KIAA1755: variants seen among roughly 807,000 people sequenced by gnomAD.
KIAA1755 encodes the protein uncharacterized protein KIAA1755.
A neutral mutation model predicts 91.7 loss-of-function variants in KIAA1755; 68 were observed. That is an observed-to-expected ratio of 0.74 (90% confidence interval 0.61 to 0.91). The LOEUF (loss-of-function observed/expected upper bound fraction) is 0.91. Among genes scored for constraint, KIAA1755 ranks in the 40% least tolerant of loss-of-function variants. The pLI is 0.00. For missense variants in KIAA1755, 1,535 were observed against 1,494.4 expected, an observed-to-expected ratio of 1.03 and a Z score of -0.45; for synonymous variants, 610 against 604.6, an observed-to-expected ratio of 1.01 and a Z score of -0.13.
In KIAA1755 at chr20:38,217,359, G is replaced by A; in HGVS notation, c.2795C>T (p.Ser932Phe). The change falls in exon 13 of 14, where the codon TCT becomes TTT. Residue 932 changes from serine (S) to phenylalanine (F), a missense_variant. Ser to Phe is a radical substitution (Grantham distance 155, BLOSUM62 -2). Transcript: ENST00000279024. The part of the protein sequence containing the change: ...AEFPELAAFA[S>F]TQRAFQAELT... ...CTCAGCCTGGAAGGCCCGCTGGGTA[G>A]AGGCAAAGGCTGCCAGCTCTGGGAA... 6.2e-7 allele frequency: 1 copy of A among 1,613,338 alleles called. No individual in the cohort carries two copies. The highest frequency in any genetic ancestry group is 8.5e-7 in the Non-Finnish European group (1 of 1,179,730).
intron 3 of KIAA1755, 147 bp from the exon 4 acceptor site, chr20:38,239,872 C>T: frequency 1.3e-6 from 1 of 764,780 alleles, no homozygotes; most frequent in Non-Finnish European, 2.1e-6. Flanking sequence ...AAGCCCCTTA[C>T]TTCTAGTGTT....
Position 38,213,295 on chromosome 20 carries a change from T to C in KIAA1755, c.3350A>G (p.Gln1117Arg). 1 of 1,613,810 alleles carries C rather than the reference T, an allele frequency of 6.2e-7. No individual in the cohort carries two copies. The highest frequency in any genetic ancestry group is 8.5e-7 in the Non-Finnish European group (1 of 1,179,910). Residue 1117 changes from glutamine to arginine, a missense_variant, in exon 14 of 14, where the codon CAG becomes CGG. Gln to Arg is a conservative substitution (Grantham distance 43). Coordinates refer to ENST00000279024, the MANE Select transcript of KIAA1755 (RefSeq NM_001029864.2). ...AGAGCCTGCCTGGAAAGTTCTGTTCTGTTCCCCTCTGGGGGGCCCAGGAGG... is the reference window on the plus strand; with the variant it reads ...AGAGCCTGCCTGGAAAGTTCTGTTCCGTTCCCCTCTGGGGGGCCCAGGAGG... ...YWPPGPPRGE[Q>R]NRTFQAGSPP...
intron 10 of KIAA1755, among the ~76,000 whole-genome samples, chr20:38,220,616 GAC>G (rs1489161123): frequency 1.3e-5 from 2 of 152,202 alleles, no homozygotes; most frequent in African/African-American, 4.8e-5. Context: ...GCCCGGCTGA[GAC>G]ACTGATGCTT....
chr20:38,234,833 C>T (rs576574638), intron 4 of KIAA1755, among the ~76,000 whole-genome samples: 1 of 152,336 alleles, frequency 6.6e-6, no homozygotes, highest in Admixed American at 6.5e-5. Flanking sequence ...TTGTCTTCAG[C>T]TGGGCCAAGG....
chr20:38,244,884 C>T (rs1265119523), intron 2 of KIAA1755, among the ~76,000 whole-genome samples: 5 of 152,100 alleles, frequency 3.3e-5, no homozygotes, highest in Non-Finnish European at 1.5e-5. Context: ...TGTGCCACCA[C>T]GCCCGGCTAA....
At chr20:38,246,509 C>A (rs903928434) in intron 1 of KIAA1755, among the ~76,000 whole-genome samples, 1 of 152,068 alleles carries the variant, frequency 6.6e-6, no homozygotes, top group Admixed American at 6.5e-5. Flanking sequence ...TTTGGCATTG[C>A]CCCAGTCTGA....
chr20:38,230,880 C>T lies in KIAA1755; in HGVS notation c.1871+322G>A, dbSNP rs377270499. Among the ~76,000 whole-genome samples, 15 of 149,710 alleles carry T rather than the reference C, an allele frequency of 1.0e-4. No individual in the cohort carries two copies. In the East Asian group the frequency reaches 2.5e-3, roughly 25 times the overall value. On this transcript the variant is annotated intron_variant, in intron 5 of 13. Transcript: ENST00000279024. ...TCCAGTCTGGGCAACAAGAGTGAAA[C>T]TCCATTTCAAAAAAAAAAAAAAAAT...
chr20:38,240,714 A>G lies in KIAA1755; in HGVS notation c.1417T>C (p.Phe473Leu), dbSNP rs929817495. ...SPEPPTPGLKFSFLRGQRQPS... is the reference protein window; with the variant it reads ...SPEPPTPGLKLSFLRGQRQPS... Reference sequence around the variant, plus strand: ...TGCCTCTGCCCTCTCAAGAATGAGAATTTGAGCCCAGGAGTGGGGGGCTCA... The same window carrying G: ...TGCCTCTGCCCTCTCAAGAATGAGAGTTTGAGCCCAGGAGTGGGGGGCTCA... The change falls in exon 3 of 14, where the codon TTC (phenylalanine) becomes CTC (leucine). Residue 473 changes from phenylalanine to leucine, a missense_variant. Physicochemically the swap from Phe to Leu is conservative, Grantham distance 22. Coordinates refer to ENST00000279024, the MANE Select transcript of KIAA1755 (RefSeq NM_001029864.2). The G allele has an allele frequency of 1.3e-6, 2 of 1,568,542 alleles. No homozygotes were observed. Among genetic ancestry groups the G allele is most frequent in the Non-Finnish European group, 1.7e-6 (2 of 1,158,128 alleles).
intron 4 of KIAA1755, among the ~76,000 whole-genome samples, chr20:38,232,199 G>A (rs185184812): frequency 1.3e-5 from 2 of 152,194 alleles, no homozygotes; most frequent in Admixed American, 6.5e-5. Context: ...CCTCTGCAGC[G>A]TGCAAAACCC....
In KIAA1755 at chr20:38,210,789, C is replaced by T. The variant is rs902433430; in HGVS notation, c.*2253G>A. The T allele has an allele frequency of 1.4e-4, 21 of 152,230 alleles. No homozygotes were observed. Among genetic ancestry groups the T allele is most frequent in the African/African-American group, 5.1e-4 (21 of 41,450 alleles). 9.4% of individuals were successfully genotyped at this position (152,230 alleles called of 1,614,324 possible). On this transcript the variant is annotated 3_prime_UTR_variant, in exon 14 of 14. Coordinates refer to ENST00000279024, the MANE Select transcript of KIAA1755 (RefSeq NM_001029864.2). ...TTCTGTGGCTCCCTGCCTGTGGTAC[C>T]CACTGGCTGGATGCTGTTGCTATGG...
Position 38,228,176 on chromosome 20 carries a change from C to A in KIAA1755, c.1936G>T (p.Gly646Cys), listed in dbSNP as rs61732323. The change falls in exon 6 of 14, where the codon GGT (glycine) becomes TGT (cysteine). Residue 646 changes from glycine to cysteine, a missense_variant. Physicochemically the swap from Gly to Cys is radical, Grantham distance 159. Transcript: ENST00000279024. ...GTGGCCTGCAGGGCGCTGACCAGAC[C>A]GGGCTGTGGGGGCTGTCTCCTGGCG... ...IDARRQPPQP[G>C]LVSALQATQA... 1 of 1,605,284 alleles carries A rather than the reference C, an allele frequency of 6.2e-7. No individual in the cohort carries two copies. The highest frequency in any genetic ancestry group is 8.5e-7 in the Non-Finnish European group (1 of 1,176,404).
chr20:38,244,019 A>C (rs2076112245), intron 2 of KIAA1755, among the ~76,000 whole-genome samples: 1 of 152,166 alleles, frequency 6.6e-6, no homozygotes, highest in Non-Finnish European at 1.5e-5. Context: ...GGGCATCTGA[A>C]CCCAGAAGCC....
chr20:38,220,239 G>A (rs2075632191), intron 10 of KIAA1755, among the ~76,000 whole-genome samples: 1 of 151,216 alleles, frequency 6.6e-6, no homozygotes, highest in South Asian at 2.1e-4. Context: ...AAATCTTAGT[G>A]CCCTGCCCCA....
At chr20:38,235,354 T>C (rs1164948974) in intron 4 of KIAA1755, among the ~76,000 whole-genome samples, 3 of 151,984 alleles carry the variant, frequency 2.0e-5, no homozygotes, top group African/African-American at 4.8e-5. Context: ...CATGCCCTAA[T>C]CCCCAGAACC....
chr20:38,220,633 A>G (rs1001891023), intron 10 of KIAA1755, among the ~76,000 whole-genome samples: 35 of 152,160 alleles, frequency 2.3e-4, no homozygotes, highest in Non-Finnish European at 5.1e-4. Context: ...ATGCTTTCTA[A>G]AGCACCTCAG....
chr20:38,241,849 G>A lies in KIAA1755; in HGVS notation c.282C>T (p.Pro94=), dbSNP rs2076074438. The change falls in exon 3 of 14, where the codon CCC becomes CCT. Residue 94 remains proline, a synonymous_variant. Transcript: ENST00000279024. ...LRDEVVVHLA[P]LNPLLLRQGD... ...CCTGGCGCAATAAGAGAGGGTTGAGGGGTGCCAAGTGGACCACAACTTCAT... is the reference window on the plus strand; with the variant it reads ...CCTGGCGCAATAAGAGAGGGTTGAGAGGTGCCAAGTGGACCACAACTTCAT... 1.2e-6 allele frequency: 2 copies of A among 1,613,980 alleles called. No individual in the cohort carries two copies. Among genetic ancestry groups the A allele is most frequent in the African/African-American group, 1.3e-5 (1 of 74,924 alleles).
At chr20:38,237,594 G>A (rs937113735) in intron 4 of KIAA1755, among the ~76,000 whole-genome samples, 3 of 152,026 alleles carry the variant, frequency 2.0e-5, no homozygotes, top group African/African-American at 7.2e-5. Context: ...GGGAAGGGAT[G>A]TGGTGGAGAG....
chr20:38,219,623 CT>C lies in KIAA1755; in HGVS notation c.2556+6del. 1 of 1,613,988 alleles carries C rather than the reference CT, an allele frequency of 6.2e-7. No homozygotes were observed. Among genetic ancestry groups the C allele is most frequent in the South Asian group, 1.1e-5 (1 of 91,074 alleles). ...CCCCCACACCCCAAGCCAGACACCC[CT>C]TTCACCTGGTGAATGGCAGCTTCCA... On this transcript the variant is annotated splice_donor_region_variant and intron_variant, in intron 11 of 13. Transcript: ENST00000279024.
intron 7 of KIAA1755, 149 bp downstream of exon 7, chr20:38,227,005 C>T (rs993865938): frequency 1.0e-5 from 6 of 578,598 alleles, no homozygotes; most frequent in African/African-American, 3.8e-5. Context: ...GGATTGGTAG[C>T]GCTTAGGCCT....
Sources: allele counts gnomAD v4.1 joint callset (sites outside exome capture counted in the v4.1 genomes callset), GRCh38; gene constraint gnomAD v4.1.1; transcripts MANE v1.5; gene names NCBI Gene and HGNC (gene_info 2026-07-23, HGNC 2026-07-21).